The following PTK2 variants were observed in gnomAD, a reference collection of about 807,000 sequenced individuals.
PTK2 encodes protein tyrosine kinase 2, also known as focal adhesion kinase 1.
In PTK2, 45 loss-of-function variants were observed where a neutral mutation model predicts 150.1. That is an observed-to-expected ratio of 0.30 (90% CI 0.24 to 0.38). The LOEUF (loss-of-function observed/expected upper bound fraction) is 0.38, where lower values mean the gene tolerates loss of function less well. Among genes scored for constraint, PTK2 ranks in the 10% least tolerant of loss-of-function variants. PTK2 has a pLI of 1.00. For missense variants in PTK2, 919 were observed against 1,307.3 expected, an observed-to-expected ratio of 0.70 and a Z score of 4.58; for synonymous variants, 432 against 449.2, an observed-to-expected ratio of 0.96 and a Z score of 0.48.
chr8:140,755,440 T>A (rs1291254404), intron 16 of PTK2, among the ~76,000 whole-genome samples: 1 of 152,152 alleles, frequency 6.6e-6, no homozygotes, highest in East Asian at 1.9e-4. Flanking sequence ...GGCCACACCG[T>A]CCTCCTGGTG....
intron 23 of PTK2, among the ~76,000 whole-genome samples, chr8:140,712,938 T>C (rs2100037614): frequency 6.6e-6 from 1 of 152,238 alleles, no homozygotes; most frequent in Admixed American, 6.5e-5. Flanking sequence ...CTGAACAGTA[T>C]GTCTGCCAGC....
intron 20 of PTK2, 108 bp downstream of exon 23, chr8:140,743,122 G>A (rs1290453286): frequency 2.6e-6 from 2 of 757,788 alleles, no homozygotes; most frequent in African/African-American, 3.5e-5. Context: ...CCATTTAGTT[G>A]ATTTTATATC....
intron 1 of PTK2, among the ~76,000 whole-genome samples, chr8:140,935,098 G>C (rs1459607912): frequency 4.6e-5 from 7 of 152,138 alleles, no homozygotes; most frequent in Non-Finnish European, 8.8e-5. Context: ...AGAACTATGA[G>C]AGCATTAAAG....
At chr8:140,935,200 G>T (rs779390729) in intron 1 of PTK2, among the ~76,000 whole-genome samples, 30 of 152,066 alleles carry the variant, frequency 2.0e-4, no homozygotes, top group Admixed American at 1.1e-3. Flanking sequence ...GAACCAAACA[G>T]AAGGAAAAAA....
chr8:140,698,056 C>A (rs868199716), intron 26 of PTK2, among the ~76,000 whole-genome samples: 1 of 151,942 alleles, frequency 6.6e-6, no homozygotes, highest in Admixed American at 6.6e-5. Flanking sequence ...ATTTCCTGAG[C>A]CTGTCTGCCC....
intron 1 of PTK2, among the ~76,000 whole-genome samples, chr8:140,993,526 T>C (rs1382052437): frequency 6.6e-6 from 1 of 152,156 alleles, no homozygotes; most frequent in African/African-American, 2.4e-5. Context: ...ACAACACACA[T>C]TTTACTACAA....
chr8:140,976,316 G>A (rs2100189246), intron 1 of PTK2, among the ~76,000 whole-genome samples: 2 of 152,182 alleles, frequency 1.3e-5, no homozygotes, highest in African/African-American at 4.8e-5. Context: ...AGATTCAGGA[G>A]ACAGATAAAA....
chr8:140,823,094 T>C (rs2100109770), intron 8 of PTK2, among the ~76,000 whole-genome samples: 1 of 152,208 alleles, frequency 6.6e-6, no homozygotes, highest in African/African-American at 2.4e-5. Context: ...TTTAAGTGTA[T>C]GATACAATAA....
At chr8:140,701,639 A>C (rs1294202756) in intron 25 of PTK2, among the ~76,000 whole-genome samples, 1 of 152,198 alleles carries the variant, frequency 6.6e-6, no homozygotes, top group Non-Finnish European at 1.5e-5. Flanking sequence ...ACATGGTCCA[A>C]AGAACTGAAT....
intron 3 of PTK2, among the ~76,000 whole-genome samples, chr8:140,889,786 C>G (rs180723244): frequency 1.3e-4 from 20 of 152,292 alleles, no homozygotes; most frequent in Admixed American, 4.6e-4. Context: ...CATTTAAATA[C>G]TGAACTCAGC....
intron 10 of PTK2, among the ~76,000 whole-genome samples, chr8:140,811,098 G>C (rs1262027736): frequency 6.6e-6 from 1 of 152,252 alleles, no homozygotes; most frequent in Non-Finnish European, 1.5e-5. Context: ...ATGGAAACAA[G>C]GGCGGATCCT....
At chr8:140,700,995 T>C (rs1162679761) in exon 26 of PTK2, 1 of 1,613,998 alleles carries the variant, frequency 6.2e-7, no homozygotes, top group East Asian at 2.2e-5. Context: ...ACTTGCCCAA[T>C]CCCTCGCAGG....
intron 1 of PTK2, among the ~76,000 whole-genome samples, chr8:140,936,328 G>C (rs1163484130): frequency 1.3e-5 from 2 of 152,134 alleles, no homozygotes; most frequent in Non-Finnish European, 2.9e-5. Flanking sequence ...GTACTGTATA[G>C]ATAAATCAAC....
rs114898036 is a variant in PTK2 at position 140,935,684 on chromosome 8, T to C, written c.-121-9935A>G. Reference sequence around the variant, plus strand: ...TAATGCGCTGTTCATGTAATCTCAATGCTCAGTATGTCCTCATCTTTTTTT... The same window carrying C: ...TAATGCGCTGTTCATGTAATCTCAACGCTCAGTATGTCCTCATCTTTTTTT... On this transcript the variant is annotated intron_variant, in intron 1 of 31. Transcript: ENST00000522684. Among the ~76,000 whole-genome samples, 934 of 148,510 alleles carry C rather than the reference T, an allele frequency of 6.3e-3. 12 individuals are homozygous for C. Among genetic ancestry groups the C allele is most frequent in the African/African-American group, 0.021 (868 of 40,702 alleles).
At chr8:140,983,567 T>C (rs1356742719) in intron 1 of PTK2, among the ~76,000 whole-genome samples, 1 of 152,074 alleles carries the variant, frequency 6.6e-6, no homozygotes, top group Non-Finnish European at 1.5e-5. Flanking sequence ...CTGGTAAACT[T>C]GTCCATGTGC....
intron 1 of PTK2, among the ~76,000 whole-genome samples, chr8:140,993,361 A>G (rs747456215): frequency 1.3e-5 from 2 of 152,184 alleles, no homozygotes; most frequent in Non-Finnish European, 2.9e-5. Flanking sequence ...ACAAAACAGT[A>G]AACACCTGGC....
At chr8:140,989,418 T>C (rs931178367) in intron 1 of PTK2, among the ~76,000 whole-genome samples, 1 of 150,122 alleles carries the variant, frequency 6.7e-6, no homozygotes, top group African/African-American at 2.5e-5. Context: ...ACAAAAAAAC[T>C]ACTGAGACTC....
intron 29 of PTK2, among the ~76,000 whole-genome samples, chr8:140,672,310 T>G (rs553525898): frequency 8.5e-5 from 13 of 152,138 alleles, no homozygotes; most frequent in Admixed American, 6.5e-4. Flanking sequence ...ACTATAGTCA[T>G]AGAGGTGCGC....
intron 29 of PTK2, chr8:140,669,993 G>A (rs1235130210): frequency 1.0e-5 from 5 of 481,102 alleles, no homozygotes; most frequent in Non-Finnish European, 1.8e-5. Context: ...CAAAACAAAT[G>A]CAGGGAACAT....
Sources: allele counts gnomAD v4.1 joint callset (sites outside exome capture counted in the v4.1 genomes callset), GRCh38; gene constraint gnomAD v4.1.1; transcripts MANE v1.5; gene names NCBI Gene and HGNC (gene_info 2026-07-23, HGNC 2026-07-21).